The following KDM4C variants were observed in gnomAD, a reference collection of about 807,000 sequenced individuals.
The protein encoded by KDM4C is lysine-specific demethylase 4C.
KDM4C carries 81 observed loss-of-function variants against 129.3 expected under a neutral mutation model. The observed-to-expected ratio is 0.63, with a 90% CI of 0.52 to 0.75. The LOEUF is 0.75. Among genes scored for constraint, KDM4C ranks in the 30% least tolerant of loss-of-function variants. The probability of loss-of-function intolerance (pLI) is 0.00; values close to 1 mark genes in which losing one functional copy is unlikely to be tolerated. For synonymous variants in KDM4C, 573 were observed against 456.1 expected (o/e 1.26, Z -3.26); for missense variants, 1,457 against 1,304.0 (o/e 1.12, Z -1.81).
intron 14 of KDM4C, among the ~76,000 whole-genome samples, chr9:7,015,011 A>T (rs1823407078): frequency 6.6e-6 from 1 of 152,054 alleles, no homozygotes; most frequent in Non-Finnish European, 1.5e-5. Flanking sequence ...TAATTGGGAT[A>T]TAATCTGATT....
chr9:7,161,068 C>T (rs986666286), intron 19 of KDM4C, among the ~76,000 whole-genome samples: 1 of 152,216 alleles, frequency 6.6e-6, no homozygotes, highest in Non-Finnish European at 1.5e-5. Flanking sequence ...AGGCTGCCAC[C>T]TCGCACTTCA....
chr9:6,870,180 C>T (rs1842640030), intron 5 of KDM4C, among the ~76,000 whole-genome samples: 1 of 152,136 alleles, frequency 6.6e-6, no homozygotes, highest in Admixed American at 6.5e-5. Context: ...CTGAAAAAAA[C>T]AACCACTTCA....
intron 4 of KDM4C, among the ~76,000 whole-genome samples, chr9:6,827,093 C>A (rs1588535395): frequency 2.6e-5 from 4 of 152,186 alleles, no homozygotes; most frequent in Admixed American, 2.6e-4. Context: ...GCACAGACAC[C>A]CACTGCCCCA....
intron 5 of KDM4C, among the ~76,000 whole-genome samples, chr9:6,864,542 C>T (rs1466967683): frequency 6.7e-6 from 1 of 149,100 alleles, no homozygotes; most frequent in African/African-American, 2.5e-5. Context: ...GTGATCTCGG[C>T]TCACAGTAAC....
intron 9 of KDM4C, among the ~76,000 whole-genome samples, chr9:6,983,432 A>G (rs1328933790): frequency 6.6e-6 from 1 of 152,224 alleles, no homozygotes; most frequent in East Asian, 1.9e-4. Context: ...ATGTTGATGT[A>G]CGATGTTAAA....
chr9:7,144,454 G>C (rs10739118), intron 19 of KDM4C, among the ~76,000 whole-genome samples: 87,460 of 152,048 alleles, frequency 0.58, 25,351 homozygotes, highest in East Asian at 0.67. Flanking sequence ...TAAATTATAG[G>C]CAGCTCTTGG....
In KDM4C at chr9:7,006,350, C is replaced by T. The variant is rs185125795; in HGVS notation, c.1787-5348C>T. On this transcript the variant is annotated intron_variant, in intron 12 of 21. Coordinates refer to ENST00000381309, the MANE Select transcript of KDM4C (RefSeq NM_015061.6). Reference sequence around the variant, plus strand: ...TGGGGTTGAGTCTCTTCCAGGCAGACCTCTCTGACTGTTGGGGAATCATTG... The same window carrying T: ...TGGGGTTGAGTCTCTTCCAGGCAGATCTCTCTGACTGTTGGGGAATCATTG... 6.6e-5 allele frequency among the ~76,000 whole-genome samples: 10 copies of T among 152,254 alleles called. No individual in the cohort carries two copies. In the East Asian group the frequency reaches 1.7e-3, roughly 26 times the overall value.
intron 17 of KDM4C, among the ~76,000 whole-genome samples, chr9:7,074,993 A>G (rs141480063): frequency 4.2e-4 from 64 of 152,270 alleles, no homozygotes; most frequent in African/African-American, 1.5e-3. Context: ...CTTGAGAATG[A>G]TGAACTCATT....
chr9:7,010,555 G>C (rs912053831), intron 12 of KDM4C, among the ~76,000 whole-genome samples: 5 of 152,208 alleles, frequency 3.3e-5, no homozygotes, highest in African/African-American at 1.2e-4. Context: ...ATCAGACTTT[G>C]AAAGCTACTT....
intron 8 of KDM4C, among the ~76,000 whole-genome samples, chr9:6,926,671 C>G (rs1044968244): frequency 6.6e-6 from 1 of 152,156 alleles, no homozygotes; most frequent in African/African-American, 2.4e-5. Context: ...ACAAATGCCT[C>G]CAGGCACTGC....
intron 19 of KDM4C, among the ~76,000 whole-genome samples, chr9:7,133,131 A>G (rs968610269): frequency 6.6e-6 from 1 of 152,178 alleles, no homozygotes; most frequent in Non-Finnish European, 1.5e-5. Flanking sequence ...TTCCCCTACT[A>G]ATTTGAAAGG....
chr9:7,077,553 G>A (rs893199505), intron 17 of KDM4C, among the ~76,000 whole-genome samples: 3 of 152,172 alleles, frequency 2.0e-5, no homozygotes, highest in Non-Finnish European at 4.4e-5. Context: ...GGGCTAAGAA[G>A]AGTTCAATAA....
At chr9:6,848,139 T>A (rs1838180523) in intron 4 of KDM4C, among the ~76,000 whole-genome samples, 1 of 150,428 alleles carries the variant, frequency 6.6e-6, no homozygotes, top group Non-Finnish European at 1.5e-5. Context: ...AGTGATCTGC[T>A]TTCCTCAGCC....
At chr9:6,796,289 A>G (rs1258512782) in intron 2 of KDM4C, among the ~76,000 whole-genome samples, 1 of 152,150 alleles carries the variant, frequency 6.6e-6, no homozygotes, top group Non-Finnish European at 1.5e-5. Flanking sequence ...TACCAAAAAT[A>G]CAAATTTTAG....
chr9:6,720,904 G>C, exon 1 of KDM4C: 4 of 1,526,602 alleles, frequency 2.6e-6, no homozygotes, highest in Non-Finnish European at 3.6e-6. Context: ...TTGTTGAATA[G>C]TTGGAGTGTT....
intron 1 of KDM4C, among the ~76,000 whole-genome samples, chr9:6,731,037 T>C (rs36122729): frequency 0.086 from 13,111 of 152,262 alleles, 740 homozygotes; most frequent in Non-Finnish European, 0.12. Flanking sequence ...ACAATCACCC[T>C]CTTTTGGTCA....
At chr9:6,929,032 C>G (rs953898229) in intron 8 of KDM4C, among the ~76,000 whole-genome samples, 3 of 152,206 alleles carry the variant, frequency 2.0e-5, no homozygotes, top group Non-Finnish European at 4.4e-5. Context: ...TTTCCTTATG[C>G]TGTTGCCAGG....
chr9:6,729,458 T>C lies in KDM4C; in HGVS notation c.49+8461T>C, dbSNP rs529734848. 2.8e-4 allele frequency among the ~76,000 whole-genome samples: 35 copies of C among 125,082 alleles called. 8 individuals are homozygous for C. Among genetic ancestry groups the C allele is most frequent in the Non-Finnish European group, 4.9e-4 (31 of 63,016 alleles). 82.1% of individuals were successfully genotyped at this position (125,082 alleles called of 152,430 possible). On this transcript the variant is annotated intron_variant, in intron 1 of 17. Transcript: ENST00000536108. ...TAGGAGGCTTTGGTGGGAGGACTGC[T>C]TGAGCCCAGGGGAGTGGGGCGGAGG...
intron 8 of KDM4C, among the ~76,000 whole-genome samples, chr9:6,897,315 G>C (rs1001061481): frequency 1.3e-5 from 2 of 152,152 alleles, no homozygotes; most frequent in African/African-American, 4.8e-5. Context: ...GACCATCCCT[G>C]TTTCTAATAT....
Sources: allele counts gnomAD v4.1 joint callset (sites outside exome capture counted in the v4.1 genomes callset), GRCh38; gene constraint gnomAD v4.1.1; transcripts MANE v1.5; gene names NCBI Gene and HGNC (gene_info 2026-07-23, HGNC 2026-07-21).